The following MMP25 variants were observed in gnomAD, a reference collection of about 807,000 sequenced individuals.
The protein encoded by MMP25 is matrix metalloproteinase-25.
In MMP25, 68 loss-of-function variants were observed where a neutral mutation model predicts 62.1. The observed-to-expected ratio is 1.10, with a 90% CI of 0.90 to 1.34. The LOEUF is 1.34. Ranked by LOEUF, MMP25 falls within the 40% of genes most tolerant of loss-of-function variation. The pLI, the probability that MMP25 is intolerant of heterozygous loss-of-function variation, is 0.00. For missense variants in MMP25, 942 were observed against 792.5 expected, an observed-to-expected ratio of 1.19 and a Z score of -2.26; for synonymous variants, 407 against 345.6, an observed-to-expected ratio of 1.18 and a Z score of -1.97.
In MMP25 at chr16:3,058,670, G is replaced by T; in HGVS notation, c.1417+1G>T. On this transcript the variant is annotated splice_donor_variant, in intron 9 of 9. Coordinates refer to ENST00000336577, the MANE Select transcript of MMP25 (RefSeq NM_022468.5). LOFTEE classifies it high-confidence loss of function. ...GACGATGTCACCGTCAGCAACGCAG[G>T]TGGGGAGCGCGGTGACCTGCGGGTT... 6.3e-7 allele frequency: 1 copy of T among 1,595,350 alleles called. No homozygotes were observed. Among genetic ancestry groups the T allele is most frequent in the Non-Finnish European group, 8.5e-7 (1 of 1,170,148 alleles).
intron 1 of MMP25, 121 bp from the exon 2 acceptor site, chr16:3,047,293 TC>T (rs775834537): frequency 7.0e-7 from 1 of 1,426,044 alleles, no homozygotes; most frequent in Non-Finnish European, 9.4e-7. Context: ...CAGGCAGGCA[TC>T]CGGGGCTGGG....
Position 3,057,610 on chromosome 16 carries a change from A to G in MMP25, c.1003A>G (p.Lys335Glu). Residue 335 changes from lysine to glutamate, a missense_variant, in exon 7 of 10, where the codon AAA (lysine) becomes GAA (glutamate). Lys to Glu is a moderately conservative substitution (Grantham distance 56). Coordinates refer to ENST00000336577, the MANE Select transcript of MMP25 (RefSeq NM_022468.5). ...ANIRGETFFF[K>E]GPWFWRLQPS... Reference sequence around the variant, plus strand: ...CATCCGAGGGGAAACTTTCTTCTTCAAAGGTGAGTCATTTCACTTGGCCTC... The same window carrying G: ...CATCCGAGGGGAAACTTTCTTCTTCGAAGGTGAGTCATTTCACTTGGCCTC... 6.2e-7 allele frequency: 1 copy of G among 1,614,038 alleles called. No individual in the cohort carries two copies. Among genetic ancestry groups the G allele is most frequent in the Non-Finnish European group, 8.5e-7 (1 of 1,179,924 alleles).
chr16:3,058,755 G>A (rs1956062985), intron 9 of MMP25, 72 bp from the exon 10 acceptor site: 2 of 1,515,670 alleles, frequency 1.3e-6, no homozygotes, highest in Admixed American at 2.1e-5. Flanking sequence ...CCACCCTGCG[G>A]GGATGGGGGT....
Position 3,058,835 on chromosome 16 carries a change from T to C in MMP25, c.1426T>C (p.Tyr476His), listed in dbSNP as rs1956064459. Reference protein sequence around the residue: ...DVTVSNAGDTYFFKGAHYWRF... With the variant: ...DVTVSNAGDTHFFKGAHYWRF... ...AAGCTCTGCTCCTCCAGGTGACACC[T>C]ACTTCTTCAAGGGCGCCCACTACTG... Residue 476 changes from tyrosine (Y) to histidine (H), a missense_variant, in exon 10 of 10, where the codon TAC becomes CAC. By Grantham distance (83) the Tyr-to-His change is moderately conservative. Transcript: ENST00000336577. 3 of 1,519,864 alleles carry C rather than the reference T, an allele frequency of 2.0e-6. No homozygotes were observed. In the East Asian group the frequency reaches 7.0e-5, roughly 36 times the overall value. 94.1% of individuals were successfully genotyped at this position (1,519,864 alleles called of 1,614,324 possible).
chr16:3,050,466 A>G lies in MMP25; in HGVS notation c.581A>G (p.His194Arg), dbSNP rs773892966. The change falls in exon 4 of 10, where the codon CAT (histidine) becomes CGT (arginine). Residue 194 changes from histidine to arginine, a missense_variant. His to Arg is a conservative substitution (Grantham distance 29). Transcript: ENST00000336577. ...GACGGGTTGGGGGGCACCCTAGCCC[A>G]TGCCTTCTTCCCTGGGGAGCACCCC... ...PFDGLGGTLA[H>R]AFFPGEHPIS... 1.2e-6 allele frequency: 2 copies of G among 1,612,104 alleles called. No homozygotes were observed.
Position 3,058,910 on chromosome 16 carries a change from A to C in MMP25, c.1501A>C (p.Met501Leu), listed in dbSNP as rs766234133. Residue 501 changes from methionine (M) to leucine (L), a missense_variant, in exon 10 of 10, where the codon ATG becomes CTG. Met to Leu is a conservative substitution (Grantham distance 15, BLOSUM62 2). Coordinates refer to ENST00000336577, the MANE Select transcript of MMP25 (RefSeq NM_022468.5). ...GACCGAGCCGGACGCCCCCCAGCCC[A>C]TGGGGCCCAACTGGCTGGACTGCCC... The part of the protein sequence containing the change: ...IKTEPDAPQP[M>L]GPNWLDCPAP... 1.7e-5 allele frequency: 27 copies of C among 1,553,028 alleles called. No homozygotes were observed. The highest frequency in any genetic ancestry group is 2.4e-5 in the Non-Finnish European group (27 of 1,147,982).
intron 4 of MMP25, chr16:3,053,688 T>C (rs1036464242): frequency 6.7e-6 from 1 of 149,090 alleles, no homozygotes; most frequent in Non-Finnish European, 1.5e-5. Flanking sequence ...CATGAAGGAG[T>C]AGGTGGCAGG....
In MMP25 at chr16:3,059,163, C is replaced by A; in HGVS notation, c.*65C>A. On this transcript the variant is annotated 3_prime_UTR_variant, in exon 10 of 10. Transcript: ENST00000336577. ...CGAGTCCCCCGCCGCTGGACCTGGT[C>A]GGGGGTTGTGAGGCGCTGCGGAGGC... The A allele has an allele frequency of 2.1e-6, 3 of 1,460,694 alleles. No homozygotes were observed. Among genetic ancestry groups the A allele is most frequent in the South Asian group, 2.7e-5 (2 of 73,108 alleles). The allele number at this position is 1,460,694 out of a possible 1,614,324, so 90.5% of individuals were successfully genotyped here. A position where few individuals can be genotyped will look rare whatever the true frequency, so the allele number is the denominator to read the frequency against.
chr16:3,057,514 T>C lies in MMP25; in HGVS notation c.924-17T>C. ...AAACAAACCCCCCTCTCTACTCACC[T>C]CTCCTTTCCTCCCCAGCCCATCCTT... On this transcript the variant is annotated splice_polypyrimidine_tract_variant and intron_variant, in intron 6 of 9. Transcript: ENST00000336577. 1 of 1,612,268 alleles carries C rather than the reference T, an allele frequency of 6.2e-7. No individual in the cohort carries two copies. The highest frequency in any genetic ancestry group is 1.1e-5 in the South Asian group (1 of 91,020).
rs1956075598 is a variant in MMP25, at chr16:3,059,288, G to T, written c.*190G>T. 4 of 650,170 alleles carry T rather than the reference G, an allele frequency of 6.2e-6. No homozygotes were observed. Among genetic ancestry groups the T allele is most frequent in the African/African-American group, 1.9e-5 (1 of 52,310 alleles). The allele number at this position is 650,170 out of a possible 1,614,324, so 40.3% of individuals were successfully genotyped here. A position where few individuals can be genotyped will look rare whatever the true frequency, so the allele number is the denominator to read the frequency against. On this transcript the variant is annotated 3_prime_UTR_variant, in exon 10 of 10. Transcript: ENST00000336577. ...GGCGGGGACCGGTCGCCTGGCGCTG[G>T]GCTCAGTCTCCTCAGGGTCTGAGAC...
intron 4 of MMP25, 164 bp from the exon 5 acceptor site, chr16:3,056,869 C>G: frequency 1.6e-6 from 1 of 623,192 alleles, no homozygotes; most frequent in Non-Finnish European, 2.7e-6. Context: ...TGACTGGAGA[C>G]AGGGATGATG....
chr16:3,057,763 A>C, intron 7 of MMP25, 150 bp downstream of exon 7: 1 of 723,844 alleles, frequency 1.4e-6, no homozygotes, highest in Non-Finnish European at 2.4e-6. Flanking sequence ...CAGTGGTGTG[A>C]TCATGGCTCA....
chr16:3,051,237 T>C (rs1279569518), intron 4 of MMP25: 1 of 151,694 alleles, frequency 6.6e-6, no homozygotes, highest in Admixed American at 6.6e-5. Flanking sequence ...GGTGTGTGTG[T>C]GCGTGTGTGT....
intron 4 of MMP25, among the ~76,000 whole-genome samples, chr16:3,050,841 G>A (rs569923243): frequency 6.6e-6 from 1 of 151,980 alleles, no homozygotes; most frequent in Non-Finnish European, 1.5e-5. Context: ...GCTCAGGCTG[G>A]AGTGCAGTTG....
In MMP25 at chr16:3,057,352, C is replaced by T. The variant is rs377077970; in HGVS notation, c.881C>T (p.Pro294Leu). 6.2e-7 allele frequency: 1 copy of T among 1,613,860 alleles called. No homozygotes were observed. Among genetic ancestry groups the T allele is most frequent in the Non-Finnish European group, 8.5e-7 (1 of 1,179,880 alleles). ...CCATATGACAAGCCCACAAGGAAAC[C>T]CCTGGCTCCTCCGCCCCAGCCCCCG... ...QTPYDKPTRK[P>L]LAPPPQPPAS... The change falls in exon 6 of 10, where the codon CCC becomes CTC. Residue 294 changes from proline to leucine, a missense_variant. Physicochemically the swap from Pro to Leu is moderately conservative, Grantham distance 98. Coordinates refer to ENST00000336577, the MANE Select transcript of MMP25 (RefSeq NM_022468.5).
In MMP25 at chr16:3,047,509, T is replaced by G. The variant is rs775384408; in HGVS notation, c.194T>G (p.Met65Arg). The G allele has an allele frequency of 3.1e-6, 5 of 1,613,814 alleles. No individual in the cohort carries two copies. Among genetic ancestry groups the G allele is most frequent in the Non-Finnish European group, 4.2e-6 (5 of 1,179,946 alleles). ...PEKLRDAIKVMQRFAGLPETG... is the reference protein window; with the variant it reads ...PEKLRDAIKVRQRFAGLPETG... ...AAGTTGCGCGATGCCATCAAAGTCA[T>G]GCAGAGGTTCGCGGGGCTGCCGGAG... is the stretch of plus-strand genomic sequence containing the variant. Residue 65 changes from methionine to arginine, a missense_variant, in exon 2 of 10, where the codon ATG becomes AGG. Transcript: ENST00000336577.
intron 1 of MMP25, 36 bp downstream of exon 1, chr16:3,047,052 G>C (rs1173669987): frequency 7.2e-7 from 1 of 1,398,482 alleles, no homozygotes. Flanking sequence ...GGGGTCTGCA[G>C]AGAGATTGGG....
chr16:3,053,651 C>T (rs562241349), intron 4 of MMP25: 2 of 151,970 alleles, frequency 1.3e-5, no homozygotes, highest in African/African-American at 4.8e-5. Context: ...ACGTGACTGT[C>T]AGGTACAGAG....
rs373405202 is a variant in MMP25 at position 3,050,073 on chromosome 16, G to A, written c.297G>A (p.Ala99=). 8.1e-6 allele frequency: 13 copies of A among 1,611,140 alleles called. No individual in the cohort carries two copies. The highest frequency in any genetic ancestry group is 2.7e-5 in the African/African-American group (2 of 74,934). The change falls in exon 3 of 10, where the codon GCG becomes GCA. Residue 99 remains alanine, a synonymous_variant. Transcript: ENST00000336577. ...RCSLPDVLGV[A]GLVRRRRRYA... is the part of the protein sequence containing the mutation. ...CCCTGCCTGACGTGCTGGGGGTGGC[G>A]GGGCTGGTCAGGCGGCGTCGCCGGT...
Sources: allele counts gnomAD v4.1 joint callset (sites outside exome capture counted in the v4.1 genomes callset), GRCh38; gene constraint gnomAD v4.1.1; transcripts MANE v1.5; gene names NCBI Gene and HGNC (gene_info 2026-07-23, HGNC 2026-07-21).